The following PCDHGA10 variants were observed in gnomAD, a reference collection of about 807,000 sequenced individuals.
PCDHGA10 encodes protocadherin gamma-A10.
Under a neutral mutation model 59.5 loss-of-function variants are expected in PCDHGA10, and 42 were observed. The ratio of observed to expected loss-of-function variants is 0.71; its 90% CI spans 0.55 to 0.91. The LOEUF is 0.91. Ranked by LOEUF, PCDHGA10 falls within the 40% of genes least tolerant of loss-of-function variation. The pLI, the probability that PCDHGA10 is intolerant of heterozygous loss-of-function variation, is 0.00. For synonymous variants in PCDHGA10, 511 were observed against 517.2 expected (o/e 0.99, Z 0.16); for missense variants, 1,111 against 1,198.2 (o/e 0.93, Z 1.07).
At chr5:141,438,305 G>T (rs1287488865) in intron 1 of PCDHGA10, among the ~76,000 whole-genome samples, 2 of 151,822 alleles carry the variant, frequency 1.3e-5, no homozygotes, top group East Asian at 1.9e-4. Context: ...AAAGAAGTTG[G>T]TACCACCATA....
intron 1 of PCDHGA10, among the ~76,000 whole-genome samples, chr5:141,453,518 C>G (rs1347368114): frequency 6.6e-6 from 1 of 152,114 alleles, no homozygotes; most frequent in African/African-American, 2.4e-5. Context: ...CATTCCTCCC[C>G]TATACCTTCT....
intron 1 of PCDHGA10, chr5:141,423,752 G>GC: frequency 1.6e-6 from 1 of 644,956 alleles, no homozygotes; most frequent in East Asian, 1.1e-4. Context: ...AAACTGTTTG[G>GC]GGGGGGGGTG....
chr5:141,476,766 T>C lies in PCDHGA10; in HGVS notation c.2437-18041T>C. ...AGTCTCCAGTTAGTGCTGACGGCGT[T>C]GGACGGAGGGACCCCAGCTCTCTCC... On this transcript the variant is annotated intron_variant, in intron 1 of 3. Coordinates refer to ENST00000398610, the MANE Select transcript of PCDHGA10 (RefSeq NM_018913.3). This position sits in a 1 kb window ranked among gnomAD's most constrained non-coding sequence, Gnocchi z 7.6. The C allele has an allele frequency of 1.9e-6, 3 of 1,613,626 alleles. No individual in the cohort carries two copies. The highest frequency in any genetic ancestry group is 2.5e-6 in the Non-Finnish European group (3 of 1,179,952).
chr5:141,427,892 C>G (rs752723370), intron 1 of PCDHGA10: 2 of 1,567,044 alleles, frequency 1.3e-6, no homozygotes, highest in African/African-American at 2.7e-5. Context: ...ACGACCAGGG[C>G]TCGCCCGCGC....
rs762272586 is a variant in PCDHGA10 at position 141,415,468 on chromosome 5, G to A, written c.2293G>A (p.Ala765Thr). 8 of 1,614,070 alleles carry A rather than the reference G, an allele frequency of 5.0e-6. No individual in the cohort carries two copies. Among genetic ancestry groups the A allele is most frequent in the East Asian group, 2.2e-5 (1 of 44,880 alleles). ...QTYSHEVSLT[A>T]DSRKSHLIFP... ...CTATTCCCACGAGGTCTCTCTCACC[G>A]CGGACTCGCGAAAGAGTCACCTGAT... is the stretch of plus-strand genomic sequence containing the variant. The change falls in exon 1 of 4, where the codon GCG (alanine) becomes ACG (threonine). Residue 765 changes from alanine to threonine, a missense_variant. By Grantham distance (58) the Ala-to-Thr change is moderately conservative. Coordinates refer to ENST00000398610, the MANE Select transcript of PCDHGA10 (RefSeq NM_018913.3).
At chr5:141,470,165 G>C (rs559578238) in intron 1 of PCDHGA10, among the ~76,000 whole-genome samples, 1 of 152,276 alleles carries the variant, frequency 6.6e-6, no homozygotes, top group Non-Finnish European at 1.5e-5. Context: ...TCAAATCAAA[G>C]TATGCAAAAT....
chr5:141,482,404 A>C (rs1262544355), intron 1 of PCDHGA10, among the ~76,000 whole-genome samples: 1 of 152,076 alleles, frequency 6.6e-6, no homozygotes, highest in Non-Finnish European at 1.5e-5. Flanking sequence ...GTACTCAATA[A>C]CTATTTGTTG....
intron 1 of PCDHGA10, among the ~76,000 whole-genome samples, chr5:141,475,035 G>T (rs983190948): frequency 2.0e-5 from 3 of 152,132 alleles, no homozygotes. Context: ...GTGACTAAAG[G>T]CTTTGTATTT....
chr5:141,502,868 T>TTTTTTTTTC (rs1298099288), intron 2 of PCDHGA10, among the ~76,000 whole-genome samples: 1 of 147,026 alleles, frequency 6.8e-6, no homozygotes, highest in Non-Finnish European at 1.5e-5. Flanking sequence ...CTCTCTGTCT[T>TTTTTTTTTC]TTTTTTTTTT....
intron 1 of PCDHGA10, among the ~76,000 whole-genome samples, chr5:141,456,359 G>A (rs2098853225): frequency 6.6e-6 from 1 of 152,158 alleles, no homozygotes; most frequent in Non-Finnish European, 1.5e-5. Context: ...TGGCGTCCAT[G>A]TGTGGTTCAG....
intron 1 of PCDHGA10, 72 bp from the exon 2 acceptor site, chr5:141,494,735 A>C: frequency 6.2e-7 from 1 of 1,610,712 alleles, no homozygotes; most frequent in Middle Eastern, 1.7e-4. Context: ...CTCCCGGCCC[A>C]TCCCTAGGGG....
rs760572189 is a variant in PCDHGA10 at position 141,477,159 on chromosome 5, A to G, written c.2437-17648A>G. ...GTGGAGGTTGTGGATGTGAATGACA[A>G]CGCCCCGGAGATCACAGTCACCTCC... is the stretch of plus-strand genomic sequence containing the variant. On this transcript the variant is annotated intron_variant, in intron 1 of 3. Transcript: ENST00000398610. The surrounding 1 kb of genome is among the most constrained non-coding windows in gnomAD (Gnocchi z 4.9). The G allele has an allele frequency of 1.7e-5, 28 of 1,613,854 alleles. No individual in the cohort carries two copies. In the South Asian group the frequency reaches 3.1e-4, roughly 18 times the overall value.
At chr5:141,480,715 G>A (rs906358826) in intron 1 of PCDHGA10, among the ~76,000 whole-genome samples, 1 of 152,124 alleles carries the variant, frequency 6.6e-6, no homozygotes, top group African/African-American at 2.4e-5. Flanking sequence ...ACAAATGAAA[G>A]CACAGTCTCT....
rs759710024 is a variant in PCDHGA10, at chr5:141,415,380, C to G, written c.2205C>G (p.Gly735=). The stretch of plus-strand genomic sequence containing the variant: ...GCCTGCTGCAGGCTTCAGGAGGCGG[C>G]TTGACAGGTGTGTCCGGCTCGCACT... ...KSRLLQASGG[G]LTGVSGSHFV... The change falls in exon 1 of 4, where the codon GGC becomes GGG. Residue 735 remains glycine (G), a synonymous_variant. Coordinates refer to ENST00000398610, the MANE Select transcript of PCDHGA10 (RefSeq NM_018913.3). The G allele has an allele frequency of 6.2e-7, 1 of 1,614,250 alleles. No homozygotes were observed. Among genetic ancestry groups the G allele is most frequent in the South Asian group, 1.1e-5 (1 of 91,092 alleles).
At position 141,414,343 on chromosome 5, in the gene PCDHGA10, A is replaced by G; in HGVS notation, c.1168A>G (p.Ile390Val). ...GCAGAATGGACAGGTAACCTGTTCC[A>G]TTTTGGCGTATCTACCATTTAAATT... is the stretch of plus-strand genomic sequence containing the variant. Reference protein sequence around the residue: ...SEQNGQVTCSILAYLPFKLEK... With the variant: ...SEQNGQVTCSVLAYLPFKLEK... Residue 390 changes from isoleucine (I) to valine (V), a missense_variant, in exon 1 of 4, where the codon ATT (isoleucine) becomes GTT (valine). By Grantham distance (29) the Ile-to-Val change is conservative. Coordinates refer to ENST00000398610, the MANE Select transcript of PCDHGA10 (RefSeq NM_018913.3). The G allele has an allele frequency of 1.9e-6, 3 of 1,613,882 alleles. No homozygotes were observed. The highest frequency in any genetic ancestry group is 2.5e-6 in the Non-Finnish European group (3 of 1,179,864).
Position 141,487,278 on chromosome 5 carries a change from T to G in PCDHGA10, c.2437-7529T>G. 6 of 1,614,180 alleles carry G rather than the reference T, an allele frequency of 3.7e-6. No individual in the cohort carries two copies. Among genetic ancestry groups the G allele is most frequent in the Non-Finnish European group, 5.1e-6 (6 of 1,180,040 alleles). On this transcript the variant is annotated intron_variant, in intron 1 of 3. Coordinates refer to ENST00000398610, the MANE Select transcript of PCDHGA10 (RefSeq NM_018913.3). The surrounding 1 kb of genome is among the most constrained non-coding windows in gnomAD (Gnocchi z 5.0). Reference sequence around the variant, plus strand: ...GCTGTGTCCCTAGTGGCAATTTGCTTTGTCTCCTTTGGCTCATTCGTGGCA... The same window carrying G: ...GCTGTGTCCCTAGTGGCAATTTGCTGTGTCTCCTTTGGCTCATTCGTGGCA...
At chr5:141,484,155 T>G (rs2099592564) in intron 1 of PCDHGA10, among the ~76,000 whole-genome samples, 1 of 152,224 alleles carries the variant, frequency 6.6e-6, no homozygotes, top group Non-Finnish European at 1.5e-5. Context: ...GTAGGCACAA[T>G]GCTGTTGGTA....
At chr5:141,494,954 G>A in intron 2 of PCDHGA10, 89 bp downstream of exon 2, 2 of 1,601,116 alleles carry the variant, frequency 1.2e-6, no homozygotes. Context: ...CCCAGCATTT[G>A]CTACAGATGG....
At chr5:141,501,901 C>T (rs1595767273) in intron 2 of PCDHGA10, among the ~76,000 whole-genome samples, 1 of 152,070 alleles carries the variant, frequency 6.6e-6, no homozygotes, top group Non-Finnish European at 1.5e-5. Context: ...TGGTTCCAAC[C>T]CCACTGTTCC....
Sources: gnomAD v4.1 joint callset for allele counts (sites outside exome capture counted in the v4.1 genomes callset) on GRCh38, gnomAD v4.1.1 for gene constraint, Gnocchi (gnomAD v3.1) non-coding constraint, MANE v1.5 for transcripts, NCBI Gene and HGNC (gene_info 2026-07-23, HGNC 2026-07-21) for gene names.